The following MINDY2 variants were observed in gnomAD, a reference collection of about 807,000 sequenced individuals.
MINDY2 encodes the protein ubiquitin carboxyl-terminal hydrolase MINDY-2.
In MINDY2, 52 loss-of-function variants were observed where a neutral mutation model predicts 68.2. The ratio of observed to expected loss-of-function variants is 0.76; its 90% CI spans 0.61 to 0.96. MINDY2 has a LOEUF of 0.96. MINDY2 is among the 40% of genes least tolerant of loss of function. The pLI is 0.00. For synonymous variants in MINDY2, 372 were observed against 303.0 expected (o/e 1.23, Z -2.36); for missense variants, 881 against 773.4 (o/e 1.14, Z -1.65).
intron 1 of MINDY2, among the ~76,000 whole-genome samples, chr15:58,784,438 T>C (rs1245602295): frequency 6.6e-6 from 1 of 152,190 alleles, no homozygotes; most frequent in African/African-American, 2.4e-5. Context: ...AATTGGGAGC[T>C]ATTTGTTAAT....
chr15:58,798,867 A>G (rs1326175323), intron 2 of MINDY2, among the ~76,000 whole-genome samples: 1 of 152,158 alleles, frequency 6.6e-6, no homozygotes, highest in Non-Finnish European at 1.5e-5. Context: ...TCAGCATGGG[A>G]TTTTTCTTGG....
At chr15:58,844,313 C>T (rs1025826372) in intron 6 of MINDY2, among the ~76,000 whole-genome samples, 31 of 148,580 alleles carry the variant, frequency 2.1e-4, no homozygotes, top group African/African-American at 7.2e-4. Flanking sequence ...TTTGGGAGGC[C>T]GAGGCGGGTG....
chr15:58,818,281 C>T (rs1302488431), intron 4 of MINDY2, among the ~76,000 whole-genome samples: 1 of 152,122 alleles, frequency 6.6e-6, no homozygotes, highest in African/African-American at 2.4e-5. Context: ...TGGGGGAAGA[C>T]AAGATCTTAC....
intron 4 of MINDY2, among the ~76,000 whole-genome samples, chr15:58,813,551 C>T (rs528497135): frequency 6.6e-6 from 1 of 152,218 alleles, no homozygotes; most frequent in African/African-American, 2.4e-5. Flanking sequence ...GGGTTAAATG[C>T]CCAGGAGTGC....
chr15:58,831,644 A>G (rs1889382232), intron 5 of MINDY2, 130 bp from the exon 6 acceptor site: 8 of 722,956 alleles, frequency 1.1e-5, no homozygotes, highest in African/African-American at 1.8e-5. Context: ...TGGAGCCATC[A>G]TAAAGTAGTA....
intron 1 of MINDY2, among the ~76,000 whole-genome samples, chr15:58,783,569 G>T (rs1258391373): frequency 1.3e-5 from 2 of 152,130 alleles, no homozygotes; most frequent in Non-Finnish European, 2.9e-5. Context: ...TAAACAGAAG[G>T]TTTTGTTGTT....
At chr15:58,819,064 G>C (rs2030890613) in intron 4 of MINDY2, among the ~76,000 whole-genome samples, 1 of 152,088 alleles carries the variant, frequency 6.6e-6, no homozygotes, top group Non-Finnish European at 1.5e-5. Flanking sequence ...TTGCAGCCTT[G>C]AACTCCTGGA....
At chr15:58,782,937 T>TG (rs1371206218) in intron 1 of MINDY2, among the ~76,000 whole-genome samples, 3 of 135,084 alleles carry the variant, frequency 2.2e-5, no homozygotes, top group African/African-American at 9.2e-5. Flanking sequence ...TTTTTTTTTT[T>TG]GAGACAGAGT....
chr15:58,861,546 G>C lies in MINDY2; in HGVS notation c.*6936G>C, dbSNP rs1272003169. ...AAAGATACCTAAAACCATCTACCCA[G>C]CTTAGGGTTGAACTGAATTTCTGTG... On this transcript the variant is annotated 3_prime_UTR_variant, in exon 9 of 9. Transcript: ENST00000559228. 1.3e-5 allele frequency: 2 copies of C among 152,082 alleles called. No homozygotes were observed. The highest frequency in any genetic ancestry group is 6.5e-5 in the Admixed American group (1 of 15,276). 9.4% of individuals were successfully genotyped at this position (152,082 alleles called of 1,614,324 possible).
At chr15:58,815,424 C>G (rs1329210194) in intron 4 of MINDY2, 3 of 152,170 alleles carry the variant, frequency 2.0e-5, no homozygotes, top group African/African-American at 7.2e-5. Context: ...AGTCTTGGTT[C>G]ACTGCAGCCT....
chr15:58,787,789 T>G, intron 1 of MINDY2, 117 bp from the exon 2 acceptor site: 1 of 511,340 alleles, frequency 2.0e-6, no homozygotes. Context: ...ATGTGAATGT[T>G]AATGTATAAG....
intron 2 of MINDY2, among the ~76,000 whole-genome samples, chr15:58,789,138 A>G (rs2140922156): frequency 6.6e-6 from 1 of 152,326 alleles, no homozygotes; most frequent in South Asian, 2.1e-4. Flanking sequence ...GAGATCAAGA[A>G]CATCCTGGCT....
intron 4 of MINDY2, among the ~76,000 whole-genome samples, chr15:58,811,847 A>G (rs762337505): frequency 6.6e-6 from 1 of 152,332 alleles, no homozygotes; most frequent in Non-Finnish European, 1.5e-5. Context: ...CTACTGTAAC[A>G]TACTAAATTT....
intron 1 of MINDY2, among the ~76,000 whole-genome samples, chr15:58,787,049 C>G (rs1282091385): frequency 2.0e-5 from 3 of 151,850 alleles, no homozygotes; most frequent in African/African-American, 7.3e-5. Flanking sequence ...AGGCTGGTCT[C>G]GAACTCCCAA....
In MINDY2 at chr15:58,836,426, A is replaced by G. The variant is rs373037565; in HGVS notation, c.1368+4510A>G. Among the ~76,000 whole-genome samples the G allele has an allele frequency of 1.5e-3, 234 of 152,192 alleles. 7 individuals are homozygous for G. The South Asian group carries it at 0.047, about 30-fold the overall frequency. On this transcript the variant is annotated intron_variant, in intron 6 of 8. Transcript: ENST00000559228. ...AAAGACCATGCATTGCATTTGATAG[A>G]GTAACTCCATTTTGATATGATCCAA...
At chr15:58,813,217 G>T (rs766740571) in intron 4 of MINDY2, among the ~76,000 whole-genome samples, 1 of 152,148 alleles carries the variant, frequency 6.6e-6, no homozygotes, top group Non-Finnish European at 1.5e-5. Flanking sequence ...TTTTCCCGCC[G>T]GGCACGGTGG....
At chr15:58,847,194 T>G in intron 6 of MINDY2, 103 bp from the exon 7 acceptor site, 1 of 884,700 alleles carries the variant, frequency 1.1e-6, no homozygotes, top group Non-Finnish European at 1.7e-6. Context: ...GTAGGAATGT[T>G]TAATATATTC....
intron 1 of MINDY2, among the ~76,000 whole-genome samples, chr15:58,784,557 A>G (rs940440226): frequency 6.6e-6 from 1 of 151,438 alleles, no homozygotes; most frequent in South Asian, 2.1e-4. Context: ...TATGTTGTAG[A>G]TAATTACTAA....
chr15:58,845,613 A>T (rs1053206338), intron 6 of MINDY2, among the ~76,000 whole-genome samples: 16 of 152,354 alleles, frequency 1.1e-4, no homozygotes, highest in Admixed American at 1.0e-3. Flanking sequence ...ATAAATGAGT[A>T]CAACCACTAT....
Sources: allele counts gnomAD v4.1 joint callset (sites outside exome capture counted in the v4.1 genomes callset), GRCh38; gene constraint gnomAD v4.1.1; transcripts MANE v1.5; gene names NCBI Gene and HGNC (gene_info 2026-07-23, HGNC 2026-07-21).